The following TCF7L1 variants were observed in gnomAD, a reference collection of about 807,000 sequenced individuals.
The protein encoded by TCF7L1 is transcription factor 7 like 1.
In TCF7L1, 18 loss-of-function variants were observed where a neutral mutation model predicts 63.7. The ratio of observed to expected loss-of-function variants is 0.28; its 90% CI spans 0.20 to 0.42. The LOEUF (loss-of-function observed/expected upper bound fraction) is 0.42, where lower values mean the gene tolerates loss of function less well. Ranked by LOEUF, TCF7L1 falls within the 10% of genes least tolerant of loss-of-function variation. The pLI, the probability that TCF7L1 is intolerant of heterozygous loss-of-function variation, is 1.00. For synonymous variants in TCF7L1, 355 were observed against 340.9 expected (o/e 1.04, Z -0.46); for missense variants, 654 against 779.3 (o/e 0.84, Z 1.91).
chr2:85,256,838 C>G (rs1256426899), intron 3 of TCF7L1, among the ~76,000 whole-genome samples: 1 of 151,902 alleles, frequency 6.6e-6, no homozygotes, highest in Non-Finnish European at 1.5e-5. Context: ...CAAAAATTAG[C>G]CGGGTGTGGT....
chr2:85,144,747 G>C (rs56311108), intron 3 of TCF7L1, among the ~76,000 whole-genome samples: 8 of 147,760 alleles, frequency 5.4e-5, no homozygotes, highest in Non-Finnish European at 1.0e-4. Flanking sequence ...GTGTGTGTGT[G>C]TGTATGTGTG....
rs376228740 is a variant in TCF7L1, at chr2:85,307,685, C to T, written c.1301C>T (p.Thr434Ile). 5.1e-5 allele frequency: 82 copies of T among 1,613,696 alleles called. No individual in the cohort carries two copies. Among genetic ancestry groups the T allele is most frequent in the Non-Finnish European group, 6.8e-5 (80 of 1,180,016 alleles). ...KRKREKQLSQ[T>I]QSQQQVQEAE... ...AAGAGAGAAAAGCAGCTGTCCCAGA[C>T]ACAGTCACAGCAGCAAGTCCAGGAG... Residue 434 changes from threonine to isoleucine, a missense_variant, in exon 11 of 12, where the codon ACA becomes ATA. By Grantham distance (89) the Thr-to-Ile change is moderately conservative (BLOSUM62 -1). Transcript: ENST00000282111.
At chr2:85,220,974 C>G (rs1193123652) in intron 3 of TCF7L1, among the ~76,000 whole-genome samples, 1 of 152,032 alleles carries the variant, frequency 6.6e-6, no homozygotes, top group Non-Finnish European at 1.5e-5. Context: ...TGAAGTTAGC[C>G]TAGAATATAT....
chr2:85,247,121 C>T (rs1680485010), intron 3 of TCF7L1, among the ~76,000 whole-genome samples: 1 of 152,210 alleles, frequency 6.6e-6, no homozygotes, highest in Non-Finnish European at 1.5e-5. Flanking sequence ...GCAAGTACAC[C>T]ATGCTAGTGA....
intron 10 of TCF7L1, 88 bp from the exon 11 acceptor site, chr2:85,307,554 C>T (rs1231062251): frequency 1.2e-5 from 13 of 1,129,614 alleles, no homozygotes; most frequent in Middle Eastern, 2.7e-4. Context: ...TAAAGGGCAA[C>T]GTCCTGTCTT....
chr2:85,139,533 A>C (rs1179451720), intron 3 of TCF7L1, among the ~76,000 whole-genome samples: 5 of 152,230 alleles, frequency 3.3e-5, no homozygotes, highest in Admixed American at 1.3e-4. Context: ...AGAAATTGAG[A>C]AAAATTACTT....
At chr2:85,140,922 GAAAGA>G (rs994403786) in intron 3 of TCF7L1, among the ~76,000 whole-genome samples, 9 of 152,208 alleles carry the variant, frequency 5.9e-5, no homozygotes, top group African/African-American at 1.9e-4. Flanking sequence ...ACAGAAGAGA[GAAAGA>G]AAAGAGAGTG....
chr2:85,134,008 C>G lies in TCF7L1; in HGVS notation c.250-8C>G, dbSNP rs1677527878. ...TCACCCGCTCTTGCCTTTGTGTCTC[C>G]TCCGCAGGCGGAGAGGCGCCCGCAG... is the stretch of plus-strand genomic sequence containing the variant. On this transcript the variant is annotated splice_region_variant and splice_polypyrimidine_tract_variant and intron_variant, in intron 1 of 11. Transcript: ENST00000282111. This position sits in a 1 kb window ranked among gnomAD's most constrained non-coding sequence, Gnocchi z 5.0. 1.9e-6 allele frequency: 3 copies of G among 1,609,456 alleles called. No individual in the cohort carries two copies. The highest frequency in any genetic ancestry group is 2.5e-6 in the Non-Finnish European group (3 of 1,178,356).
chr2:85,295,885 C>G (rs184505992), intron 4 of TCF7L1, among the ~76,000 whole-genome samples: 5 of 140,766 alleles, frequency 3.6e-5, no homozygotes, highest in Non-Finnish European at 7.5e-5. Context: ...TCAAGTGATT[C>G]TCCTGCCTCA....
At chr2:85,274,721 A>C (rs1033997650) in intron 3 of TCF7L1, among the ~76,000 whole-genome samples, 5 of 152,164 alleles carry the variant, frequency 3.3e-5, no homozygotes, top group African/African-American at 7.2e-5. Flanking sequence ...TTGGTTTTTC[A>C]CTTTGTTTTT....
intron 3 of TCF7L1, among the ~76,000 whole-genome samples, chr2:85,235,838 A>G (rs1680178332): frequency 6.6e-6 from 1 of 151,928 alleles, no homozygotes. Flanking sequence ...CCTAGGTAAC[A>G]TAGGGAAAGT....
Position 85,134,985 on chromosome 2 carries a change from T to C in TCF7L1, c.441+535T>C, listed in dbSNP as rs1677557733. 6.6e-6 allele frequency among the ~76,000 whole-genome samples: 1 copy of C among 152,174 alleles called. No individual in the cohort carries two copies. The highest frequency in any genetic ancestry group is 1.5e-5 in the Non-Finnish European group (1 of 68,028). ...CTTTTCTGCGGAGCTAGCTCCGAAT[T>C]TTAAACTCGCGTAGATGATTTCGAG... On this transcript the variant is annotated intron_variant, in intron 3 of 11. Coordinates refer to ENST00000282111, the MANE Select transcript of TCF7L1 (RefSeq NM_031283.3). This position sits in a 1 kb window ranked among gnomAD's most constrained non-coding sequence, Gnocchi z 5.0.
intron 3 of TCF7L1, among the ~76,000 whole-genome samples, chr2:85,179,632 G>C (rs144988944): frequency 6.6e-6 from 1 of 152,226 alleles, no homozygotes; most frequent in Admixed American, 6.5e-5. Context: ...CCCCTCCCTT[G>C]CTCTGCTCAC....
rs542878974 is a variant in TCF7L1, at chr2:85,133,963, G to A, written c.249+30G>A. 20 of 1,578,674 alleles carry A rather than the reference G, an allele frequency of 1.3e-5. No individual in the cohort carries two copies. In the Admixed American group the frequency reaches 1.9e-4, roughly 15 times the overall value. The stretch of plus-strand genomic sequence containing the variant: ...GGAAGCACCGCGGCCACCCCCGGGG[G>A]ATCCCGGCCCTGCGTCCGCTCACCC... On this transcript the variant is annotated intron_variant, in intron 1 of 11. Transcript: ENST00000282111. The surrounding 1 kb of genome is among the most constrained non-coding windows in gnomAD (Gnocchi z 4.4).
intron 3 of TCF7L1, among the ~76,000 whole-genome samples, chr2:85,139,273 C>T (rs1194432743): frequency 6.6e-6 from 1 of 152,210 alleles, no homozygotes; most frequent in Non-Finnish European, 1.5e-5. Flanking sequence ...TCCCAAAGTG[C>T]TGGGATTACA....
rs114445517 is a variant in TCF7L1, at chr2:85,195,915, T to A, written c.441+61465T>A. ...TATTTTTATCAGTAGCATTCTTAGT[T>A]TTGAGCAGTAGGTATCAGCTGACTG... On this transcript the variant is annotated intron_variant, in intron 3 of 11. Coordinates refer to ENST00000282111, the MANE Select transcript of TCF7L1 (RefSeq NM_031283.3). 2.1e-3 allele frequency among the ~76,000 whole-genome samples: 322 copies of A among 152,254 alleles called. 1 individual carries two copies. Among genetic ancestry groups the A allele is most frequent in the African/African-American group, 7.2e-3 (301 of 41,546 alleles).
intron 3 of TCF7L1, among the ~76,000 whole-genome samples, chr2:85,254,519 T>C (rs1350339879): frequency 6.6e-6 from 1 of 152,232 alleles, no homozygotes; most frequent in Non-Finnish European, 1.5e-5. Context: ...TAATCTGTAC[T>C]GTCTGTAAAA....
intron 3 of TCF7L1, among the ~76,000 whole-genome samples, chr2:85,166,125 T>C (rs548778716): frequency 3.9e-4 from 60 of 152,356 alleles, no homozygotes; most frequent in Admixed American, 1.2e-3. Context: ...CAGTGGTGGT[T>C]GTAACATCTG....
At chr2:85,175,639 TC>T (rs1484191990) in intron 3 of TCF7L1, among the ~76,000 whole-genome samples, 10 of 152,244 alleles carry the variant, frequency 6.6e-5, no homozygotes, top group Admixed American at 5.2e-4. Context: ...AGCAGATAAC[TC>T]AGTTGAATTT....
Sources: allele counts gnomAD v4.1 joint callset (sites outside exome capture counted in the v4.1 genomes callset), GRCh38; gene constraint gnomAD v4.1.1; non-coding constraint Gnocchi (gnomAD v3.1); transcripts MANE v1.5; gene names NCBI Gene and HGNC (gene_info 2026-07-23, HGNC 2026-07-21).